Variants in LAG3 observed in about 807,000 individuals in gnomAD.
The protein encoded by LAG3 is lymphocyte activation gene 3 protein.
A neutral mutation model predicts 49.0 loss-of-function variants in LAG3; 29 were observed. The observed-to-expected ratio is 0.59, with a 90% CI of 0.44 to 0.81. The LOEUF (loss-of-function observed/expected upper bound fraction) is 0.81, where lower values mean the gene tolerates loss of function less well. Ranked by LOEUF, LAG3 falls within the 30% of genes least tolerant of loss-of-function variation. LAG3 has a pLI of 0.00. For synonymous variants in LAG3, 320 were observed against 297.3 expected (o/e 1.08, Z -0.79); for missense variants, 693 against 695.2 (o/e 1.00, Z 0.04).
chr12:6,777,436 G>A lies in LAG3; in HGVS notation c.1230G>A (p.Trp410Ter). The A allele has an allele frequency of 1.9e-6, 3 of 1,614,206 alleles. No homozygotes were observed. The highest frequency in any genetic ancestry group is 2.5e-6 in the Non-Finnish European group (3 of 1,180,032). Residue 410 changes from tryptophan (W) to a stop codon, truncating the protein, a stop_gained, in exon 6 of 8, where the codon TGG (tryptophan) becomes TGA (stop). Transcript: ENST00000203629. LOFTEE classifies it high-confidence loss of function. ...AGGCCCAGCTCCTTTCCCAGCCTTGGCAATGCCAGCTGTACCAGGGGGAGA... is the reference window on the plus strand; with the variant it reads ...AGGCCCAGCTCCTTTCCCAGCCTTGACAATGCCAGCTGTACCAGGGGGAGA... ...AQEAQLLSQP[W>*]QCQLYQGERL...
rs765002038 is a variant in LAG3 at position 6,778,387 on chromosome 12, C to G, written c.1575C>G (p.Leu525=). ...AGCCCGAGCCCGAGCCGGAGCAGCT[C>G]TGACCTGGAGCTGAGGCAGCCAGCA... ...EPEPEPEPEQ[L] The change falls in exon 8 of 8, where the codon CTC becomes CTG. Residue 525 remains leucine (L), a synonymous_variant. Coordinates refer to ENST00000203629, the MANE Select transcript of LAG3 (RefSeq NM_002286.6). The G allele has an allele frequency of 1.2e-6, 2 of 1,610,012 alleles. No individual in the cohort carries two copies. The highest frequency in any genetic ancestry group is 1.7e-5 in the Admixed American group (1 of 59,950).
At position 6,772,924 on chromosome 12, in the gene LAG3, GGCGGGAGGGTTGACCTCCA is replaced by G. The variant is rs1350943445; in HGVS notation, c.58+17_58+35del. 6.8e-6 allele frequency: 11 copies of G among 1,613,554 alleles called. No homozygotes were observed. The Admixed American group carries it at 1.8e-4, about 27-fold the overall frequency. ...GGGTGGCTCCAGGTAAAACGGGGATGGCGGGAGGGTTGACCTCCAGCCCCACAGGAGGGGACCAGCAGGG... is the reference window on the plus strand; with the variant it reads ...GGGTGGCTCCAGGTAAAACGGGGATGGCCCCACAGGAGGGGACCAGCAGGG... On this transcript the variant is annotated intron_variant, in intron 1 of 7. Coordinates refer to ENST00000203629, the MANE Select transcript of LAG3 (RefSeq NM_002286.6).
At position 6,775,454 on chromosome 12, in the gene LAG3, G is replaced by A. The variant is rs1941896876; in HGVS notation, c.963G>A (p.Glu321=). The part of the protein sequence containing the change: ...GDNGDFTLRL[E]DVSQAQAGTY... ...ATGGCGACTTTACCCTTCGACTAGA[G>A]GATGTGAGCCAGGCCCAGGCTGGGA... is the stretch of plus-strand genomic sequence containing the variant. The change falls in exon 5 of 8, where the codon GAG becomes GAA. Residue 321 remains glutamate, a synonymous_variant. Coordinates refer to ENST00000203629, the MANE Select transcript of LAG3 (RefSeq NM_002286.6). 6.2e-7 allele frequency: 1 copy of A among 1,614,096 alleles called. No individual in the cohort carries two copies. Among genetic ancestry groups the A allele is most frequent in the African/African-American group, 1.3e-5 (1 of 75,000 alleles).
chr12:6,775,612 T>G, intron 5 of LAG3, 64 bp downstream of exon 5: 1 of 1,551,280 alleles, frequency 6.4e-7, no homozygotes, highest in Non-Finnish European at 8.8e-7. Context: ...GAGGAAGGGC[T>G]GGCAGGGCAA....
At position 6,777,510 on chromosome 12, in the gene LAG3, C is replaced by T. The variant is rs184057011; in HGVS notation, c.1300+4C>T. On this transcript the variant is annotated splice_donor_region_variant and intron_variant, in intron 6 of 7. Transcript: ENST00000203629. Reference sequence around the variant, plus strand: ...TTCACAGAGCTGTCTAGCCCAGGTCCGAGGCCCCAGAATGCCAGGACCCAA... The same window carrying T: ...TTCACAGAGCTGTCTAGCCCAGGTCTGAGGCCCCAGAATGCCAGGACCCAA... 1,356 of 1,612,002 alleles carry T rather than the reference C, an allele frequency of 8.4e-4. 1 individual carries two copies. The highest frequency in any genetic ancestry group is 1.1e-3 in the Non-Finnish European group (1,247 of 1,178,996).
intron 5 of LAG3, 42 bp from the exon 6 acceptor site, chr12:6,777,222 G>C: frequency 3.7e-6 from 6 of 1,612,290 alleles, no homozygotes; most frequent in Non-Finnish European, 5.1e-6. Context: ...TCACGTAAGG[G>C]GGGCAGAATC....
At chr12:6,776,393 C>T (rs1941908174) in intron 5 of LAG3, among the ~76,000 whole-genome samples, 1 of 152,174 alleles carries the variant, frequency 6.6e-6, no homozygotes, top group South Asian at 2.1e-4. Flanking sequence ...CATCAAAGTC[C>T]ACCAGTTCTT....
chr12:6,777,942 C>T (rs777020036), intron 7 of LAG3, 21 bp downstream of exon 7: 8 of 1,611,608 alleles, frequency 5.0e-6, no homozygotes, highest in East Asian at 2.2e-5. Flanking sequence ...GACATGGCAA[C>T]CCCGCCCCCC....
In LAG3 at chr12:6,775,475, T is replaced by C; in HGVS notation, c.984T>C (p.Ala328=). 6.2e-7 allele frequency: 1 copy of C among 1,613,896 alleles called. No individual in the cohort carries two copies. ...TAGAGGATGTGAGCCAGGCCCAGGC[T>C]GGGACCTACACCTGCCATATCCATC... ...LRLEDVSQAQ[A]GTYTCHIHLQ... Residue 328 remains alanine (A), a synonymous_variant, in exon 5 of 8, where the codon GCT becomes GCC. Coordinates refer to ENST00000203629, the MANE Select transcript of LAG3 (RefSeq NM_002286.6).
intron 3 of LAG3, among the ~76,000 whole-genome samples, 197 bp from the exon 4 acceptor site, chr12:6,774,398 T>C (rs11064376): frequency 0.04 from 6,101 of 152,130 alleles, 385 homozygotes; most frequent in African/African-American, 0.14. Context: ...ACGGGGAAAG[T>C]GGTCCTGGGG....
intron 3 of LAG3, among the ~76,000 whole-genome samples, chr12:6,774,223 C>G (rs1941877824): frequency 6.6e-6 from 1 of 152,218 alleles, no homozygotes. Context: ...CCGAGCTCCC[C>G]TTCTCCCACC....
rs573288555 is a variant in LAG3, at chr12:6,777,183, G to A, written c.1058-81G>A. 5.2e-6 allele frequency: 8 copies of A among 1,550,728 alleles called. No homozygotes were observed. The South Asian group carries it at 9.4e-5, about 18-fold the overall frequency. On this transcript the variant is annotated intron_variant, in intron 5 of 7. Transcript: ENST00000203629. The stretch of plus-strand genomic sequence containing the variant: ...GCCAGAACCCAAGTGAGTGCAGGGT[G>A]ATTGAGACTTGGGGTTCAACCTGTG...
chr12:6,777,773 C>G lies in LAG3; in HGVS notation c.1301-18C>G. The G allele has an allele frequency of 1.9e-6, 3 of 1,613,666 alleles. No homozygotes were observed. The highest frequency in any genetic ancestry group is 2.5e-6 in the Non-Finnish European group (3 of 1,179,802). ...TTCTAGTCCTGACCCTATGCCTCAT[C>G]CTGTACTTTCTCCATAGGTGCCCAA... On this transcript the variant is annotated intron_variant, in intron 6 of 7. Coordinates refer to ENST00000203629, the MANE Select transcript of LAG3 (RefSeq NM_002286.6).
Position 6,777,789 on chromosome 12 carries a change from A to G in LAG3, c.1301-2A>G. The G allele has an allele frequency of 6.2e-7, 1 of 1,613,852 alleles. No individual in the cohort carries two copies. The highest frequency in any genetic ancestry group is 1.1e-5 in the South Asian group (1 of 91,080). Reference sequence around the variant, plus strand: ...ATGCCTCATCCTGTACTTTCTCCATAGGTGCCCAACGCTCTGGGAGAGCCC... The same window carrying G: ...ATGCCTCATCCTGTACTTTCTCCATGGGTGCCCAACGCTCTGGGAGAGCCC... On this transcript the variant is annotated splice_acceptor_variant, in intron 6 of 7. Coordinates refer to ENST00000203629, the MANE Select transcript of LAG3 (RefSeq NM_002286.6). LOFTEE classifies it high-confidence loss of function.
chr12:6,777,397 G>A lies in LAG3; in HGVS notation c.1191G>A (p.Trp397Ter), dbSNP rs61731925. The A allele has an allele frequency of 1.9e-6, 3 of 1,614,110 alleles. No individual in the cohort carries two copies. Among genetic ancestry groups the A allele is most frequent in the African/African-American group, 2.7e-5 (2 of 74,932 alleles). Reference sequence around the variant, plus strand: ...CCCAGAGGAGTTTCTCAGGACCTTGGCTGGAGGCACAGGAGGCCCAGCTCC... The same window carrying A: ...CCCAGAGGAGTTTCTCAGGACCTTGACTGGAGGCACAGGAGGCCCAGCTCC... ...TPSQRSFSGPWLEAQEAQLLS... is the reference protein window; with the variant it reads ...TPSQRSFSGP Residue 397 changes from tryptophan (W) to a stop codon, truncating the protein, a stop_gained, in exon 6 of 8, where the codon TGG becomes TGA. Coordinates refer to ENST00000203629, the MANE Select transcript of LAG3 (RefSeq NM_002286.6). LOFTEE classifies it high-confidence loss of function.
At position 6,774,633 on chromosome 12, in the gene LAG3, T is replaced by G; in HGVS notation, c.550T>G (p.Trp184Gly). Reference protein sequence around the residue: ...SPPGSLRASDWVILNCSFSRP... With the variant: ...SPPGSLRASDGVILNCSFSRP... Reference sequence around the variant, plus strand: ...CCCAGGATCTCTCAGAGCCTCCGACTGGGTCATTTTGAACTGCTCCTTCAG... The same window carrying G: ...CCCAGGATCTCTCAGAGCCTCCGACGGGGTCATTTTGAACTGCTCCTTCAG... Residue 184 changes from tryptophan to glycine, a missense_variant, in exon 4 of 8, where the codon TGG (tryptophan) becomes GGG (glycine). Transcript: ENST00000203629. 2 of 1,614,108 alleles carry G rather than the reference T, an allele frequency of 1.2e-6. No homozygotes were observed. The highest frequency in any genetic ancestry group is 1.7e-6 in the Non-Finnish European group (2 of 1,179,988).
At chr12:6,774,894 C>T (rs1941888588) in intron 4 of LAG3, 30 bp downstream of exon 4, 2 of 1,590,252 alleles carry the variant, frequency 1.3e-6, no homozygotes, top group Non-Finnish European at 1.7e-6. Flanking sequence ...TCACATTTGA[C>T]CACAACTCCT....
At chr12:6,777,640 G>A in intron 6 of LAG3, 134 bp downstream of exon 6, 1 of 1,464,710 alleles carries the variant, frequency 6.8e-7, no homozygotes, top group South Asian at 1.2e-5. Context: ...TTTTGCCTAG[G>A]GTTGACCCGT....
At chr12:6,778,061 T>C in intron 7 of LAG3, 140 bp downstream of exon 7, 1 of 1,378,746 alleles carries the variant, frequency 7.3e-7, no homozygotes, top group Non-Finnish European at 1.0e-6. Context: ...TTCATAAGCC[T>C]CTCACTCCAG....
Sources: gnomAD v4.1 joint callset for allele counts (sites outside exome capture counted in the v4.1 genomes callset) on GRCh38, gnomAD v4.1.1 for gene constraint, MANE v1.5 for transcripts, NCBI Gene and HGNC (gene_info 2026-07-23, HGNC 2026-07-21) for gene names.